The following NRP1 variants were observed in gnomAD, a reference collection of about 807,000 sequenced individuals.
NRP1 encodes neuropilin 1.
Under a neutral mutation model 106.7 loss-of-function variants are expected in NRP1, and 35 were observed. The observed-to-expected ratio is 0.33, with a 90% CI of 0.25 to 0.43. NRP1 has a LOEUF of 0.43. Among genes scored for constraint, NRP1 ranks in the 20% least tolerant of loss-of-function variants. NRP1 has a pLI of 1.00. For synonymous variants in NRP1, 437 were observed against 417.9 expected (o/e 1.05, Z -0.56); for missense variants, 1,024 against 1,170.4 (o/e 0.87, Z 1.83).
chr10:33,298,950 T>A (rs1369238975), intron 2 of NRP1, among the ~76,000 whole-genome samples: 1 of 152,182 alleles, frequency 6.6e-6, no homozygotes, highest in African/African-American at 2.4e-5. Flanking sequence ...TACTTCTACC[T>A]ACCATGCATT....
intron 12 of NRP1, among the ~76,000 whole-genome samples, chr10:33,196,240 C>T (rs1402008027): frequency 3.3e-5 from 5 of 151,992 alleles, no homozygotes; most frequent in African/African-American, 1.2e-4. Context: ...AATTAGCTGG[C>T]GACTTCATAG....
chr10:33,307,197 C>G (rs1329928986), intron 2 of NRP1, among the ~76,000 whole-genome samples: 1 of 152,224 alleles, frequency 6.6e-6, no homozygotes, highest in African/African-American at 2.4e-5. Flanking sequence ...TTGACAGTCA[C>G]AATTCAAATA....
Position 33,180,046 on chromosome 10 carries a change from C to T in NRP1, c.*30G>A. 3 of 1,606,028 alleles carry T rather than the reference C, an allele frequency of 1.9e-6. No individual in the cohort carries two copies. Among genetic ancestry groups the T allele is most frequent in the Non-Finnish European group, 2.6e-6 (3 of 1,175,460 alleles). ...TCACTCCCGTCCTTCCACTTCCGTC[C>T]TTTGACTGTCTTTTCATCTCTGTCT... On this transcript the variant is annotated 3_prime_UTR_variant, in exon 17 of 17. Coordinates refer to ENST00000374867, the MANE Select transcript of NRP1 (RefSeq NM_003873.7).
chr10:33,284,093 A>G (rs985050478), intron 2 of NRP1, among the ~76,000 whole-genome samples: 2 of 151,866 alleles, frequency 1.3e-5, no homozygotes, highest in Admixed American at 6.6e-5. Flanking sequence ...AGCTAGAGAA[A>G]GGTATAAAAA....
chr10:33,306,298 C>T (rs771812830), intron 2 of NRP1, among the ~76,000 whole-genome samples: 79 of 151,834 alleles, frequency 5.2e-4, no homozygotes, highest in Non-Finnish European at 1.1e-3. Context: ...AAACCACTGC[C>T]GGACTCTGAT....
At chr10:33,294,799 G>A (rs1004623965) in intron 2 of NRP1, among the ~76,000 whole-genome samples, 2 of 152,066 alleles carry the variant, frequency 1.3e-5, no homozygotes, top group Non-Finnish European at 2.9e-5. Context: ...CTGGGCCTTC[G>A]TTTCCTCATC....
intron 4 of NRP1, among the ~76,000 whole-genome samples, chr10:33,263,401 C>G (rs1452109838): frequency 6.6e-6 from 1 of 152,078 alleles, no homozygotes; most frequent in Non-Finnish European, 1.5e-5. Context: ...CTAAAAGAAC[C>G]TTTTGTAATC....
In NRP1 at chr10:33,287,983, G is replaced by GT. The variant is rs146898945; in HGVS notation, c.249-17128dup. On this transcript the variant is annotated intron_variant, in intron 2 of 16. Transcript: ENST00000374867. ...AGAGTGTGAGCCCGAGCTTTTCTGG[G>GT]TTGCAAACAACACGGTGCCTTTCCT... 2.7e-4 allele frequency among the ~76,000 whole-genome samples: 41 copies of GT among 152,256 alleles called. No homozygotes were observed. In the East Asian group the frequency reaches 4.4e-3, roughly 16 times the overall value.
chr10:33,256,249 C>A, intron 5 of NRP1, 67 bp downstream of exon 5: 1 of 1,499,258 alleles, frequency 6.7e-7, no homozygotes, highest in Non-Finnish European at 9.2e-7. Context: ...CATGTGGCCG[C>A]AGGTGTGTGA....
intron 16 of NRP1, among the ~76,000 whole-genome samples, chr10:33,181,190 G>C (rs191486674): frequency 6.6e-6 from 1 of 152,148 alleles, no homozygotes; most frequent in Non-Finnish European, 1.5e-5. Flanking sequence ...AAATGTTAAC[G>C]CACAATATGC....
At chr10:33,268,525 A>G (rs1320451871) in intron 3 of NRP1, among the ~76,000 whole-genome samples, 1 of 152,262 alleles carries the variant, frequency 6.6e-6, no homozygotes, top group Non-Finnish European at 1.5e-5. Context: ...GCTTTGCTAC[A>G]TCTGAGACTA....
chr10:33,227,255 T>A (rs1839746454), intron 6 of NRP1, among the ~76,000 whole-genome samples: 1 of 152,186 alleles, frequency 6.6e-6, no homozygotes, highest in Non-Finnish European at 1.5e-5. Context: ...ACTCACACAA[T>A]GGATAATGGA....
At chr10:33,280,176 T>G (rs1464877165) in intron 2 of NRP1, among the ~76,000 whole-genome samples, 1 of 152,242 alleles carries the variant, frequency 6.6e-6, no homozygotes, top group Non-Finnish European at 1.5e-5. Flanking sequence ...AGGAGTTTCA[T>G]TTCATAATTA....
intron 2 of NRP1, among the ~76,000 whole-genome samples, chr10:33,271,587 G>T (rs747251461): frequency 6.6e-6 from 1 of 152,120 alleles, no homozygotes. Context: ...AAGAAATCTC[G>T]TTGTTTGAGA....
At chr10:33,264,368 T>C (rs994276052) in intron 3 of NRP1, among the ~76,000 whole-genome samples, 12 of 152,186 alleles carry the variant, frequency 7.9e-5, no homozygotes, top group Non-Finnish European at 1.8e-4. Context: ...CTATGCCTCT[T>C]TGACAAACGA....
rs12260191 is a variant in NRP1 at position 33,261,174 on chromosome 10, G to A, written c.658+2472C>T. On this transcript the variant is annotated intron_variant, in intron 4 of 16. Transcript: ENST00000374867. ...AAAGGCACCATAGTTTAAAACATGC[G>A]TAAATTGCAAGGCTGATAACTCTTA... is the stretch of plus-strand genomic sequence containing the variant. Among the ~76,000 whole-genome samples the A allele has an allele frequency of 9.6e-3, 1,460 of 152,214 alleles. 19 individuals are homozygous for A. Among genetic ancestry groups the A allele is most frequent in the African/African-American group, 0.032 (1,338 of 41,524 alleles).
chr10:33,210,158 C>T (rs1472719505), intron 9 of NRP1, among the ~76,000 whole-genome samples: 4 of 151,364 alleles, frequency 2.6e-5, no homozygotes, highest in Admixed American at 2.6e-4. Flanking sequence ...AAATGCATTG[C>T]TAATATAGGC....
In NRP1 at chr10:33,272,173, C is replaced by T. The variant is rs532509846; in HGVS notation, c.249-1317G>A. On this transcript the variant is annotated intron_variant, in intron 2 of 16. Transcript: ENST00000374867. ...ATAAAGTCTCAGGAGACAACTGCAACGATGCTATCACTAGTAAAAGTGGAC... is the reference window on the plus strand; with the variant it reads ...ATAAAGTCTCAGGAGACAACTGCAATGATGCTATCACTAGTAAAAGTGGAC... Among the ~76,000 whole-genome samples, 16 of 152,266 alleles carry T rather than the reference C, an allele frequency of 1.1e-4. No individual in the cohort carries two copies. The South Asian group carries it at 2.7e-3, about 26-fold the overall frequency.
At chr10:33,240,589 T>C (rs1348595352) in intron 6 of NRP1, among the ~76,000 whole-genome samples, 1 of 152,174 alleles carries the variant, frequency 6.6e-6, no homozygotes, top group Non-Finnish European at 1.5e-5. Flanking sequence ...CCTATAAAGT[T>C]TGACAGCATC....
Sources: gnomAD v4.1 joint callset for allele counts (sites outside exome capture counted in the v4.1 genomes callset) on GRCh38, gnomAD v4.1.1 for gene constraint, MANE v1.5 for transcripts, NCBI Gene and HGNC (gene_info 2026-07-23, HGNC 2026-07-21) for gene names.